The following SORCS2 variants were observed in gnomAD, a reference collection of about 807,000 sequenced individuals.
SORCS2 encodes the protein sortilin related VPS10 domain containing receptor 2, also known as VPS10 domain-containing receptor SorCS2.
A neutral mutation model predicts 141.6 loss-of-function variants in SORCS2; 100 were observed. The ratio of observed to expected loss-of-function variants is 0.71; its 90% CI spans 0.60 to 0.83. The LOEUF (loss-of-function observed/expected upper bound fraction) is 0.83. SORCS2 is among the 40% of genes least tolerant of loss of function. SORCS2 has a pLI of 0.00. For missense variants in SORCS2, 1,646 were observed against 1,560.2 expected (o/e 1.05, Z -0.93); for synonymous variants, 789 against 676.9 (o/e 1.17, Z -2.57).
chr4:7,637,827 T>G (rs2108862238), intron 3 of SORCS2, among the ~76,000 whole-genome samples: 1 of 149,082 alleles, frequency 6.7e-6, no homozygotes, highest in African/African-American at 2.5e-5. Flanking sequence ...AGGAGAAGCC[T>G]GACCCAGGCA....
chr4:7,319,751 C>A (rs147223422), intron 1 of SORCS2, among the ~76,000 whole-genome samples: 10 of 152,162 alleles, frequency 6.6e-5, no homozygotes, highest in African/African-American at 2.2e-4. Flanking sequence ...AACCTAAAAT[C>A]TGGAATGGCT....
intron 1 of SORCS2, among the ~76,000 whole-genome samples, chr4:7,209,530 C>T (rs867967769): frequency 5.3e-5 from 8 of 152,330 alleles, no homozygotes; most frequent in African/African-American, 1.2e-4. Flanking sequence ...CTTCTGTGGC[C>T]GGCTCCATGG....
chr4:7,737,558 C>T (rs921376428), intron 26 of SORCS2, among the ~76,000 whole-genome samples: 2 of 152,200 alleles, frequency 1.3e-5, no homozygotes, highest in East Asian at 1.9e-4. Context: ...TCAACACTCC[C>T]AGTCCTCCAC....
chr4:7,210,663 G>A (rs1369334779), intron 1 of SORCS2, among the ~76,000 whole-genome samples: 1 of 152,216 alleles, frequency 6.6e-6, no homozygotes, highest in Non-Finnish European at 1.5e-5. Flanking sequence ...GCTGCTAACA[G>A]CTGCCTTGCC....
chr4:7,237,431 C>T (rs1433942663), intron 1 of SORCS2, among the ~76,000 whole-genome samples: 1 of 152,172 alleles, frequency 6.6e-6, no homozygotes, highest in Non-Finnish European at 1.5e-5. Flanking sequence ...AGTGGCTCCT[C>T]CCAAGGGGAC....
At chr4:7,696,025 T>G (rs552003020) in intron 11 of SORCS2, among the ~76,000 whole-genome samples, 1 of 152,050 alleles carries the variant, frequency 6.6e-6, no homozygotes, top group African/African-American at 2.4e-5. Context: ...GATTTACGAG[T>G]AGCTAGGTAA....
At chr4:7,504,463 C>T (rs1246414208) in intron 2 of SORCS2, among the ~76,000 whole-genome samples, 1 of 152,180 alleles carries the variant, frequency 6.6e-6, no homozygotes, top group Non-Finnish European at 1.5e-5. Flanking sequence ...TTCATTTCTT[C>T]TTAGTAAGAA....
chr4:7,654,190 C>G lies in SORCS2; in HGVS notation c.870C>G (p.Thr290=). 1.9e-6 allele frequency: 3 copies of G among 1,580,432 alleles called. No individual in the cohort carries two copies. Among genetic ancestry groups the G allele is most frequent in the Non-Finnish European group, 2.6e-6 (3 of 1,161,730 alleles). ...KKWTLLQERV[T]KDHVFWSVSG... ...GGACACTTCTGCAAGAGCGAGTGAC[C>G]AAAGACCACGTGTTCTGGTGAGAGC... is the stretch of plus-strand genomic sequence containing the variant. Residue 290 remains threonine (T), a synonymous_variant, in exon 5 of 27, where the codon ACC becomes ACG. Transcript: ENST00000507866.
At chr4:7,598,548 T>C (rs996529914) in intron 3 of SORCS2, among the ~76,000 whole-genome samples, 3 of 152,110 alleles carry the variant, frequency 2.0e-5, no homozygotes, top group Non-Finnish European at 4.4e-5. Flanking sequence ...TAGATGTCCA[T>C]GAAAAACTCC....
intron 2 of SORCS2, among the ~76,000 whole-genome samples, chr4:7,467,522 G>A (rs1256904269): frequency 6.6e-6 from 1 of 152,206 alleles, no homozygotes; most frequent in East Asian, 1.9e-4. Context: ...TCAGAGGGCA[G>A]CTGGGCTGGA....
intron 1 of SORCS2, among the ~76,000 whole-genome samples, chr4:7,298,293 C>T (rs1021919634): frequency 9.2e-5 from 14 of 152,130 alleles, no homozygotes; most frequent in South Asian, 2.1e-4. Flanking sequence ...GGCACCCCAG[C>T]AGGGGTGAGT....
intron 14 of SORCS2, among the ~76,000 whole-genome samples, chr4:7,707,597 C>A (rs1256170174): frequency 6.6e-6 from 1 of 152,242 alleles, no homozygotes; most frequent in East Asian, 1.9e-4. Context: ...GCCCTCACCC[C>A]TTCGAGGATC....
At chr4:7,632,899 A>G (rs1016638806) in intron 3 of SORCS2, among the ~76,000 whole-genome samples, 2 of 152,078 alleles carry the variant, frequency 1.3e-5, no homozygotes, top group African/African-American at 2.4e-5. Context: ...ATAACTCCCT[A>G]TCATAGAGGG....
chr4:7,353,427 G>A (rs1577435348), intron 1 of SORCS2, among the ~76,000 whole-genome samples: 1 of 152,358 alleles, frequency 6.6e-6, no homozygotes, highest in East Asian at 1.9e-4. Context: ...GGCACCCAGA[G>A]GTGGGAGGTT....
intron 1 of SORCS2, among the ~76,000 whole-genome samples, chr4:7,335,964 C>T (rs77806014): frequency 0.046 from 6,932 of 152,324 alleles, 227 homozygotes; most frequent in Non-Finnish European, 0.074. Flanking sequence ...TCTGCCCCCT[C>T]CTGGCCGGGG....
chr4:7,614,072 G>A (rs576196476), intron 3 of SORCS2, among the ~76,000 whole-genome samples: 7 of 145,116 alleles, frequency 4.8e-5, no homozygotes, highest in South Asian at 2.2e-4. Flanking sequence ...CACCAACCAC[G>A]ATCCATTCAT....
At chr4:7,733,633 C>T (rs1711892391) in intron 24 of SORCS2, among the ~76,000 whole-genome samples, 1 of 152,216 alleles carries the variant, frequency 6.6e-6, no homozygotes, top group Admixed American at 6.5e-5. Context: ...TACCTGATAC[C>T]CACGCTTCGG....
chr4:7,548,053 G>A lies in SORCS2; in HGVS notation c.648+16424G>A, dbSNP rs139881129. ...GAGCAATGTAGGATCACACTCCTTT[G>A]TGCCAAGAATAGTAATTATATTTTC... On this transcript the variant is annotated intron_variant, in intron 3 of 26. Transcript: ENST00000507866. 1.3e-4 allele frequency among the ~76,000 whole-genome samples: 20 copies of A among 152,268 alleles called. No homozygotes were observed. In the East Asian group the frequency reaches 3.5e-3, roughly 27 times the overall value.
At chr4:7,308,822 C>A (rs1718004837) in intron 1 of SORCS2, among the ~76,000 whole-genome samples, 1 of 152,148 alleles carries the variant, frequency 6.6e-6, no homozygotes, top group South Asian at 2.1e-4. Context: ...CCCTGTCTGT[C>A]CTCTTTCTGC....
Sources: allele counts gnomAD v4.1 joint callset (sites outside exome capture counted in the v4.1 genomes callset), GRCh38; gene constraint gnomAD v4.1.1; transcripts MANE v1.5; gene names NCBI Gene and HGNC (gene_info 2026-07-23, HGNC 2026-07-21).